The following NAV2 variants were observed in gnomAD, a reference collection of about 807,000 sequenced individuals.
The protein encoded by NAV2 is neuron navigator 2.
A neutral mutation model predicts 223.2 loss-of-function variants in NAV2; 54 were observed. That is an observed-to-expected ratio of 0.24 (90% CI 0.19 to 0.30). The LOEUF is 0.30. Ranked by LOEUF, NAV2 falls within the 10% of genes least tolerant of loss-of-function variation. NAV2 has a pLI of 1.00. For missense variants in NAV2, 2,806 were observed against 3,147.5 expected (o/e 0.89, Z 2.60); for synonymous variants, 1,279 against 1,239.3 (o/e 1.03, Z -0.67).
chr11:20,008,776 G>A (rs917708578), intron 11 of NAV2, among the ~76,000 whole-genome samples: 17 of 148,992 alleles, frequency 1.1e-4, no homozygotes, highest in African/African-American at 3.7e-4. Context: ...TAGATAAACC[G>A]TTTGCACAGA....
At chr11:19,371,918 C>A (rs1358704511) in intron 1 of NAV2, among the ~76,000 whole-genome samples, 1 of 152,070 alleles carries the variant, frequency 6.6e-6, no homozygotes, top group Non-Finnish European at 1.5e-5. Flanking sequence ...GCTGGGATTA[C>A]AGGCACCCAG....
At chr11:20,063,227 A>C (rs962668130) in intron 20 of NAV2, among the ~76,000 whole-genome samples, 7 of 152,186 alleles carry the variant, frequency 4.6e-5, no homozygotes, top group Admixed American at 3.9e-4. Context: ...AATATAGTAC[A>C]CACAGCTCAG....
chr11:19,887,315 A>G (rs531575146), intron 5 of NAV2, among the ~76,000 whole-genome samples: 1 of 151,472 alleles, frequency 6.6e-6, no homozygotes, highest in East Asian at 2.0e-4. Flanking sequence ...GCCTTTGACC[A>G]CTCTTATTGC....
chr11:19,561,593 T>C (rs552284204), intron 1 of NAV2, among the ~76,000 whole-genome samples: 1 of 152,344 alleles, frequency 6.6e-6, no homozygotes, highest in Admixed American at 6.5e-5. Context: ...TTAATTATCT[T>C]CATCACTCTG....
Position 19,998,209 on chromosome 11 carries a change from C to T in NAV2, c.2768+13962C>T, listed in dbSNP as rs774518424. Among the ~76,000 whole-genome samples, 1 of 151,986 alleles carries T rather than the reference C, an allele frequency of 6.6e-6. No homozygotes were observed. The highest frequency in any genetic ancestry group is 1.5e-5 in the Non-Finnish European group (1 of 68,004). ...CTTTTCCTTCCAGTCGGCAAACTCC[C>T]CCCAAACAGTTTCAAATCTCTCAGC... On this transcript the variant is annotated intron_variant, in intron 11 of 37. Coordinates refer to ENST00000349880, the MANE Select transcript of NAV2 (RefSeq NM_145117.5). The surrounding 1 kb of genome is among the most constrained non-coding windows in gnomAD (Gnocchi z 5.0).
chr11:19,960,151 T>C (rs2048233553), intron 10 of NAV2, among the ~76,000 whole-genome samples: 3 of 152,214 alleles, frequency 2.0e-5, no homozygotes, highest in Admixed American at 1.3e-4. Context: ...GAGTCGGTTA[T>C]TTGTTCTCAA....
intron 1 of NAV2, among the ~76,000 whole-genome samples, chr11:19,594,351 G>A (rs948797322): frequency 6.6e-6 from 1 of 151,738 alleles, no homozygotes; most frequent in African/African-American, 2.4e-5. Flanking sequence ...TGAAAATTGT[G>A]TCTCTTTTCA....
rs113997401 is a variant in NAV2, at chr11:19,876,731, A to G, written c.512-3138A>G. Among the ~76,000 whole-genome samples the G allele has an allele frequency of 6.6e-3, 1,010 of 152,034 alleles. 13 individuals are homozygous for G. The highest frequency in any genetic ancestry group is 0.023 in the African/African-American group (969 of 41,476). ...GGAGGGAGCTGATGTGAACGTGCCT[A>G]CTTTTTACAGTGGATGACCCCTGAT... is the stretch of plus-strand genomic sequence containing the variant. On this transcript the variant is annotated intron_variant, in intron 4 of 37. Coordinates refer to ENST00000349880, the MANE Select transcript of NAV2 (RefSeq NM_145117.5).
chr11:20,028,688 T>G (rs752278815), intron 11 of NAV2, among the ~76,000 whole-genome samples: 9 of 152,210 alleles, frequency 5.9e-5, no homozygotes, highest in Non-Finnish European at 1.2e-4. Context: ...CTCTGCGTCC[T>G]AAGTCTCCTT....
chr11:19,640,234 A>C (rs1001793386), intron 1 of NAV2, among the ~76,000 whole-genome samples: 2 of 152,174 alleles, frequency 1.3e-5, no homozygotes, highest in Non-Finnish European at 2.9e-5. Context: ...TATTCTGGGA[A>C]GAAAGGTTGT....
At chr11:19,726,551 T>C (rs1467217840) in intron 1 of NAV2, among the ~76,000 whole-genome samples, 2 of 152,214 alleles carry the variant, frequency 1.3e-5, no homozygotes, top group African/African-American at 4.8e-5. Context: ...AGAGGTGCCT[T>C]TCCTGAGTTT....
chr11:19,731,093 C>A (rs559633057), intron 1 of NAV2, among the ~76,000 whole-genome samples: 1 of 152,300 alleles, frequency 6.6e-6, no homozygotes, highest in East Asian at 1.9e-4. Context: ...GATGACCCTA[C>A]CCAAGGCAGC....
chr11:20,063,526 C>T (rs1333086585), intron 20 of NAV2, among the ~76,000 whole-genome samples: 1 of 152,136 alleles, frequency 6.6e-6, no homozygotes, highest in East Asian at 1.9e-4. Flanking sequence ...GCAGGCACCA[C>T]CATGCCTGGC....
intron 1 of NAV2, among the ~76,000 whole-genome samples, chr11:19,410,660 C>T (rs920042287): frequency 6.6e-6 from 1 of 152,066 alleles, no homozygotes; most frequent in Non-Finnish European, 1.5e-5. Flanking sequence ...TAAAACATAA[C>T]TAATGAAGGT....
intron 1 of NAV2, among the ~76,000 whole-genome samples, chr11:19,831,314 G>C (rs936829090): frequency 6.6e-6 from 1 of 151,328 alleles, no homozygotes; most frequent in African/African-American, 2.4e-5. Context: ...AGGATGGAGG[G>C]TGAGGATGAG....
intron 11 of NAV2, among the ~76,000 whole-genome samples, chr11:20,009,570 G>C (rs1341098500): frequency 6.6e-6 from 1 of 152,148 alleles, no homozygotes; most frequent in South Asian, 2.1e-4. Flanking sequence ...CAGAGCTGGA[G>C]TAATTTTCCT....
chr11:19,657,959 T>G (rs1205614527), intron 1 of NAV2, among the ~76,000 whole-genome samples: 1 of 152,138 alleles, frequency 6.6e-6, no homozygotes, highest in African/African-American at 2.4e-5. Context: ...CAGGTATTAT[T>G]AACAATAATA....
chr11:20,097,474 GAGAA>G, intron 30 of NAV2, 99 bp from the exon 31 acceptor site: 1 of 969,908 alleles, frequency 1.0e-6, no homozygotes, highest in Non-Finnish European at 1.4e-6. Flanking sequence ...TCAGACATCT[GAGAA>G]AGAAGAGAAT....
At chr11:19,879,820 C>T (rs1324908912) in intron 4 of NAV2, 49 bp from the exon 5 acceptor site, 2 of 1,610,620 alleles carry the variant, frequency 1.2e-6, no homozygotes, top group South Asian at 1.1e-5. Context: ...GCCCATTGAA[C>T]AGGAAGAAGA....
Sources: gnomAD v4.1 joint callset for allele counts (sites outside exome capture counted in the v4.1 genomes callset) on GRCh38, gnomAD v4.1.1 for gene constraint, Gnocchi (gnomAD v3.1) non-coding constraint, MANE v1.5 for transcripts, NCBI Gene and HGNC (gene_info 2026-07-23, HGNC 2026-07-21) for gene names.